The following ARHGEF11 variants were observed in gnomAD, a reference collection of about 807,000 sequenced individuals.
ARHGEF11 encodes the protein Rho guanine exchange factor (GEF) 11.
A neutral mutation model predicts 193.7 loss-of-function variants in ARHGEF11; 55 were observed. The observed-to-expected ratio is 0.28, with a 90% CI of 0.23 to 0.36. The LOEUF is 0.36. Among genes scored for constraint, ARHGEF11 ranks in the 10% least tolerant of loss-of-function variants. The probability of loss-of-function intolerance (pLI) is 1.00; values close to 1 mark genes in which losing one functional copy is unlikely to be tolerated. For synonymous variants in ARHGEF11, 693 were observed against 768.0 expected (o/e 0.90, Z 1.62); for missense variants, 1,723 against 2,005.6 (o/e 0.86, Z 2.69).
chr1:156,958,498 C>T (rs922842027), intron 17 of ARHGEF11, among the ~76,000 whole-genome samples: 2 of 152,152 alleles, frequency 1.3e-5, no homozygotes, highest in Admixed American at 6.5e-5. Context: ...TTACCACATT[C>T]CTGGGGCCCG....
At chr1:156,937,165 C>T (rs932794281) in intron 39 of ARHGEF11, 84 bp downstream of exon 39, 22 of 1,591,356 alleles carry the variant, frequency 1.4e-5, no homozygotes, top group Admixed American at 5.2e-5. Flanking sequence ...AGGGCTCCCG[C>T]GAAGACACAC....
chr1:156,993,156 T>C, intron 1 of ARHGEF11, among the ~76,000 whole-genome samples: 1 of 152,226 alleles, frequency 6.6e-6, no homozygotes, highest in East Asian at 1.9e-4. Flanking sequence ...TTCCAGTGTG[T>C]GAACAGAGAG....
intron 1 of ARHGEF11, among the ~76,000 whole-genome samples, chr1:156,994,979 G>A (rs1666274327): frequency 6.6e-6 from 1 of 151,670 alleles, no homozygotes; most frequent in South Asian, 2.1e-4. Context: ...ACACTGCCGT[G>A]CACTTGCTCA....
chr1:156,985,487 G>A (rs150185525), intron 2 of ARHGEF11, among the ~76,000 whole-genome samples: 4,091 of 152,066 alleles, frequency 0.027, 72 homozygotes, highest in South Asian at 0.055. Flanking sequence ...GCAATGGCGC[G>A]ATCTCGACTC....
chr1:156,964,244 T>C (rs1661389496), intron 11 of ARHGEF11, among the ~76,000 whole-genome samples: 1 of 152,208 alleles, frequency 6.6e-6, no homozygotes, highest in Non-Finnish European at 1.5e-5. Context: ...CTTTCCCCCT[T>C]ACGCTAATTT....
At chr1:156,958,659 G>T in intron 17 of ARHGEF11, 83 bp downstream of exon 17, 1 of 1,573,528 alleles carries the variant, frequency 6.4e-7, no homozygotes, top group Non-Finnish European at 8.7e-7. Context: ...TGGAAGAGGG[G>T]GAGAGGTTGA....
At chr1:157,013,259 TCACTCACACACACACACA>T (rs1174492069) in intron 1 of ARHGEF11, among the ~76,000 whole-genome samples, 5 of 109,488 alleles carry the variant, frequency 4.6e-5, no homozygotes, top group African/African-American at 1.8e-4. Context: ...CTCCCCACTA[TCACTCACACACACACACA>T]CACACACACA....
intron 11 of ARHGEF11, among the ~76,000 whole-genome samples, chr1:156,964,005 C>T (rs1313180946): frequency 2.6e-5 from 4 of 152,218 alleles, no homozygotes; most frequent in African/African-American, 9.7e-5. Flanking sequence ...ATCCTCCAAA[C>T]CTAGTGTCTA....
chr1:157,016,974 A>G (rs1669324530), intron 1 of ARHGEF11, among the ~76,000 whole-genome samples: 1 of 152,048 alleles, frequency 6.6e-6, no homozygotes, highest in African/African-American at 2.4e-5. Context: ...CGACATCCAG[A>G]CTAGTGAGAT....
intron 17 of ARHGEF11, among the ~76,000 whole-genome samples, 182 bp from the exon 18 acceptor site, chr1:156,957,997 A>C (rs568025717): frequency 8.1e-4 from 123 of 152,346 alleles, no homozygotes; most frequent in African/African-American, 2.9e-3. Flanking sequence ...ATATTTGCCG[A>C]GTTGAAATAT....
upstream of ARHGEF11, among the ~76,000 whole-genome samples, chr1:157,046,834 AC>A (rs140150092): frequency 3.6e-3 from 524 of 146,234 alleles, 3 homozygotes; most frequent in South Asian, 0.012. Context: ...ACATGGTGAA[AC>A]CCCCCCCCTC....
intron 1 of ARHGEF11, among the ~76,000 whole-genome samples, chr1:157,000,222 C>G (rs898338968): frequency 1.5e-4 from 23 of 152,334 alleles, no homozygotes; most frequent in Admixed American, 3.3e-4. Flanking sequence ...CTCGGCCTCC[C>G]AAAGTGCTTG....
At chr1:156,988,447 T>A (rs532976066) in intron 1 of ARHGEF11, among the ~76,000 whole-genome samples, 6 of 152,320 alleles carry the variant, frequency 3.9e-5, no homozygotes, top group Admixed American at 2.6e-4. Context: ...GAACTCCTCC[T>A]CCTTCCTACC....
chr1:156,999,923 A>G (rs1667007043), intron 1 of ARHGEF11, among the ~76,000 whole-genome samples: 1 of 152,226 alleles, frequency 6.6e-6, no homozygotes, highest in Admixed American at 6.5e-5. Context: ...GGGCACTGTG[A>G]TAATTAAATT....
In ARHGEF11 at chr1:156,977,230, T is replaced by C. The variant is rs187463027; in HGVS notation, c.511-176A>G. Among the ~76,000 whole-genome samples the C allele has an allele frequency of 1.4e-3, 211 of 152,360 alleles. 2 individuals carry two copies. Among genetic ancestry groups the C allele is most frequent in the Non-Finnish European group, 1.2e-4 (8 of 68,040 alleles). On this transcript the variant is annotated intron_variant, in intron 6 of 40. Coordinates refer to ENST00000368194, the MANE Select transcript of ARHGEF11 (RefSeq NM_198236.3). Reference sequence around the variant, plus strand: ...AACACAAAATCTTATTTTGAGTTTATGCCTCAATTTGGCTGTAATCACCTT... The same window carrying C: ...AACACAAAATCTTATTTTGAGTTTACGCCTCAATTTGGCTGTAATCACCTT...
chr1:157,030,635 G>A (rs1024400393), intron 1 of ARHGEF11, among the ~76,000 whole-genome samples: 1 of 152,002 alleles, frequency 6.6e-6, no homozygotes, highest in Non-Finnish European at 1.5e-5. Context: ...GCCTTGACAG[G>A]GGTATAGGAA....
At chr1:156,973,215 A>C (rs1662762461) in intron 7 of ARHGEF11, among the ~76,000 whole-genome samples, 1 of 152,228 alleles carries the variant, frequency 6.6e-6, no homozygotes, top group South Asian at 2.1e-4. Flanking sequence ...GGCATGAGCC[A>C]CCATGCCCAG....
intron 1 of ARHGEF11, among the ~76,000 whole-genome samples, chr1:157,019,706 C>A (rs1260969881): frequency 6.6e-6 from 1 of 152,054 alleles, no homozygotes; most frequent in Non-Finnish European, 1.5e-5. Flanking sequence ...GATAGACACA[C>A]CAATATAGAT....
At chr1:156,979,197 C>G (rs768321571) in intron 5 of ARHGEF11, 32 bp downstream of exon 5, 1 of 1,608,040 alleles carries the variant, frequency 6.2e-7, no homozygotes. Context: ...CATCTGCTTC[C>G]CTACTTTAGT....
Sources: allele counts gnomAD v4.1 joint callset (sites outside exome capture counted in the v4.1 genomes callset), GRCh38; gene constraint gnomAD v4.1.1; transcripts MANE v1.5; gene names NCBI Gene and HGNC (gene_info 2026-07-23, HGNC 2026-07-21).